The following ESRRG variants were observed in gnomAD, a reference collection of about 807,000 sequenced individuals.
The protein encoded by ESRRG is estrogen-related receptor gamma.
ESRRG carries 13 observed loss-of-function variants against 44.0 expected under a neutral mutation model. The observed-to-expected ratio is 0.30, with a 90% CI of 0.19 to 0.47. The LOEUF (loss-of-function observed/expected upper bound fraction) is 0.47. Ranked by LOEUF, ESRRG falls within the 20% of genes least tolerant of loss-of-function variation. The probability of loss-of-function intolerance (pLI) is 1.00; values close to 1 mark genes in which losing one functional copy is unlikely to be tolerated. For synonymous variants in ESRRG, 215 were observed against 214.6 expected, an observed-to-expected ratio of 1.00 and a Z score of -0.02; for missense variants, 395 against 580.6, an observed-to-expected ratio of 0.68 and a Z score of 3.29.
intron 1 of ESRRG, among the ~76,000 whole-genome samples, chr1:217,086,870 C>T (rs948003923): frequency 1.3e-5 from 2 of 152,154 alleles, no homozygotes; most frequent in Admixed American, 6.5e-5. Flanking sequence ...ATACTTTAAC[C>T]TCCTTGGATA....
intron 1 of ESRRG, among the ~76,000 whole-genome samples, chr1:217,046,073 A>G (rs2084821817): frequency 6.6e-6 from 1 of 152,040 alleles, no homozygotes; most frequent in African/African-American, 2.4e-5. Flanking sequence ...ATGTCCGTGC[A>G]GCTCACTGTG....
intron 2 of ESRRG, among the ~76,000 whole-genome samples, chr1:216,887,576 TAA>T (rs2057200929): frequency 6.6e-6 from 1 of 152,238 alleles, no homozygotes; most frequent in African/African-American, 2.4e-5. Context: ...TTTAATTTTT[TAA>T]AGAGTATGTA....
At chr1:217,114,138 ACTGT>A (rs2092692149) in intron 1 of ESRRG, among the ~76,000 whole-genome samples, 2 of 152,172 alleles carry the variant, frequency 1.3e-5, no homozygotes, top group Non-Finnish European at 2.9e-5. Context: ...TTTAAAGATT[ACTGT>A]TAGTTTGATA....
At chr1:216,878,543 A>C (rs2096393071) in intron 2 of ESRRG, among the ~76,000 whole-genome samples, 1 of 152,132 alleles carries the variant, frequency 6.6e-6, no homozygotes, top group Non-Finnish European at 1.5e-5. Context: ...TACCTTCCAC[A>C]TTTATCTCTA....
chr1:216,576,768 G>A (rs139489213), intron 3 of ESRRG, among the ~76,000 whole-genome samples: 9 of 152,072 alleles, frequency 5.9e-5, no homozygotes, highest in Non-Finnish European at 1.3e-4. Context: ...CAGGGGTAAG[G>A]TTGCTTCATC....
chr1:216,932,733 T>G (rs2063544618), intron 2 of ESRRG, among the ~76,000 whole-genome samples: 2 of 147,518 alleles, frequency 1.4e-5, no homozygotes. Flanking sequence ...TTTTTTTTTT[T>G]TTTTTTTTTT....
chr1:217,048,811 A>G (rs2085367996), intron 1 of ESRRG, among the ~76,000 whole-genome samples: 1 of 152,218 alleles, frequency 6.6e-6, no homozygotes, highest in Non-Finnish European at 1.5e-5. Flanking sequence ...GCATAGTGTG[A>G]GTAAATTTTC....
chr1:216,684,772 A>G (rs1187296781), intron 1 of ESRRG, among the ~76,000 whole-genome samples: 1 of 152,234 alleles, frequency 6.6e-6, no homozygotes. Context: ...GCTATTAGCT[A>G]TTATACAGAT....
At chr1:216,912,788 C>T (rs1271550356) in intron 2 of ESRRG, among the ~76,000 whole-genome samples, 3 of 151,834 alleles carry the variant, frequency 2.0e-5, no homozygotes, top group Non-Finnish European at 4.4e-5. Context: ...CCTTCTATAT[C>T]CTTGGGTTCC....
chr1:216,952,860 A>AAGAGTCAT (rs1320720755), intron 1 of ESRRG, among the ~76,000 whole-genome samples: 1 of 152,090 alleles, frequency 6.6e-6, no homozygotes, highest in African/African-American at 2.4e-5. Context: ...GGACACCACC[A>AAGAGTCAT]AGAGTCATCA....
At chr1:216,606,912 A>G (rs2060005313) in intron 3 of ESRRG, among the ~76,000 whole-genome samples, 1 of 152,168 alleles carries the variant, frequency 6.6e-6, no homozygotes, top group Admixed American at 6.5e-5. Context: ...ACCACTGTTG[A>G]GGGGTGGAAA....
intron 3 of ESRRG, among the ~76,000 whole-genome samples, chr1:216,576,768 G>C (rs139489213): frequency 2.0e-5 from 3 of 151,954 alleles, no homozygotes; most frequent in Non-Finnish European, 2.9e-5. Context: ...CAGGGGTAAG[G>C]TTGCTTCATC....
chr1:217,136,460 C>T (rs1043649891), intron 1 of ESRRG, among the ~76,000 whole-genome samples: 2 of 152,164 alleles, frequency 1.3e-5, no homozygotes, highest in African/African-American at 4.8e-5. Flanking sequence ...CGCGGGCACC[C>T]GGGTCACGTC....
intron 1 of ESRRG, among the ~76,000 whole-genome samples, chr1:216,684,574 G>A (rs2077585433): frequency 6.6e-6 from 1 of 152,036 alleles, no homozygotes; most frequent in Admixed American, 6.6e-5. Flanking sequence ...TAATATAATG[G>A]GCACTCATGT....
intron 2 of ESRRG, among the ~76,000 whole-genome samples, chr1:216,903,428 A>AGTGTGTGTGT (rs58137897): frequency 1.3e-5 from 2 of 148,198 alleles, no homozygotes; most frequent in African/African-American, 2.5e-5. Context: ...TGTGTGTTCA[A>AGTGTGTGTGT]GTGTGTGTGT....
At chr1:217,018,726 C>T (rs2079828676) in intron 1 of ESRRG, among the ~76,000 whole-genome samples, 1 of 152,140 alleles carries the variant, frequency 6.6e-6, no homozygotes, top group African/African-American at 2.4e-5. Flanking sequence ...GTAACTATTA[C>T]TCATCCTTTG....
chr1:216,540,047 T>C (rs1391794061), intron 5 of ESRRG, among the ~76,000 whole-genome samples: 1 of 152,060 alleles, frequency 6.6e-6, no homozygotes, highest in Non-Finnish European at 1.5e-5. Context: ...GCTAACCTAA[T>C]CATTCTTGGA....
Position 216,778,990 on chromosome 1 carries a change from G to A in ESRRG, c.-13-101499C>T, listed in dbSNP as rs1268111201. ...TCTTCCTCAGTCACTCATCAACTCTGTTATGTCAATGCTGAAACAATGCCA... is the reference window on the plus strand; with the variant it reads ...TCTTCCTCAGTCACTCATCAACTCTATTATGTCAATGCTGAAACAATGCCA... On this transcript the variant is annotated intron_variant, in intron 2 of 7. Transcript: ENST00000359162. Among the ~76,000 whole-genome samples, 3 of 149,360 alleles carry A rather than the reference G, an allele frequency of 2.0e-5. No individual in the cohort carries two copies. In the Admixed American group the frequency reaches 2.1e-4, roughly 10 times the overall value.
upstream of ESRRG, among the ~76,000 whole-genome samples, chr1:216,725,958 G>A (rs937232392): frequency 5.3e-5 from 8 of 152,010 alleles, no homozygotes; most frequent in Non-Finnish European, 7.4e-5. Flanking sequence ...ACCAAATGTC[G>A]TACAAGTGAT....
Sources: allele counts gnomAD v4.1 joint callset (sites outside exome capture counted in the v4.1 genomes callset), GRCh38; gene constraint gnomAD v4.1.1; transcripts MANE v1.5; gene names NCBI Gene and HGNC (gene_info 2026-07-23, HGNC 2026-07-21).